The following FILIP1L variants were observed in gnomAD, a reference collection of about 807,000 sequenced individuals.
The protein encoded by FILIP1L is filamin A interacting protein 1 like, also known as filamin A-interacting protein 1-like.
FILIP1L carries 55 observed loss-of-function variants against 96.6 expected under a neutral mutation model. That is an observed-to-expected ratio of 0.57 (90% CI 0.46 to 0.71). The LOEUF (loss-of-function observed/expected upper bound fraction) is 0.71. Ranked by LOEUF, FILIP1L falls within the 30% of genes least tolerant of loss-of-function variation. FILIP1L has a pLI of 0.00. For synonymous variants in FILIP1L, 467 were observed against 473.9 expected, an observed-to-expected ratio of 0.99 and a Z score of 0.19; for missense variants, 1,304 against 1,321.2, an observed-to-expected ratio of 0.99 and a Z score of 0.20.
intron 1 of FILIP1L, among the ~76,000 whole-genome samples, chr3:99,949,106 T>C (rs950658531): frequency 6.6e-6 from 1 of 152,184 alleles, no homozygotes; most frequent in Non-Finnish European, 1.5e-5. Context: ...TTGGGAGGAA[T>C]ATTTCATAAA....
At chr3:100,109,088 A>AACTGTCTCTT (rs1491220968) in intron 1 of FILIP1L, among the ~76,000 whole-genome samples, 17 of 49,084 alleles carry the variant, frequency 3.5e-4, no homozygotes, top group Admixed American at 3.2e-3. Context: ...ACTGTCTCTT[A>AACTGTCTCTT]AAAAAAAAAA....
chr3:100,068,380 GTGTC>G (rs376185045), intron 1 of FILIP1L, among the ~76,000 whole-genome samples: 3 of 140,306 alleles, frequency 2.1e-5, no homozygotes, highest in African/African-American at 7.9e-5. Context: ...GTGTGTGTGT[GTGTC>G]AGAGAGATAT....
At chr3:100,022,570 T>C (rs1347471498) in intron 1 of FILIP1L, among the ~76,000 whole-genome samples, 1 of 152,202 alleles carries the variant, frequency 6.6e-6, no homozygotes, top group African/African-American at 2.4e-5. Context: ...TGGTTTATTA[T>C]TCTTTTGGCT....
In FILIP1L at chr3:100,059,075, T is replaced by A. The variant is rs949880310; in HGVS notation, c.-11+54978A>T. Among the ~76,000 whole-genome samples, 10 of 152,370 alleles carry A rather than the reference T, an allele frequency of 6.6e-5. No homozygotes were observed. The East Asian group carries it at 1.3e-3, about 21-fold the overall frequency. On this transcript the variant is annotated intron_variant, in intron 1 of 5. Transcript: ENST00000477258. ...CCTTTAGGGTAATTTCTCTTTTACCTAGTCAGCACTACAAAGTAAAGCTTA... is the reference window on the plus strand; with the variant it reads ...CCTTTAGGGTAATTTCTCTTTTACCAAGTCAGCACTACAAAGTAAAGCTTA...
At chr3:100,039,943 T>C (rs149156596) in intron 1 of FILIP1L, 3,211 of 152,072 alleles carry the variant, frequency 0.021, 47 homozygotes, top group Non-Finnish European at 0.035. Flanking sequence ...TTAGTAGAGA[T>C]GGGGTTTCAC....
At position 99,929,819 on chromosome 3, in the gene FILIP1L, C is replaced by T. The variant is rs1160675605; in HGVS notation, c.426+37G>A. On this transcript the variant is annotated intron_variant, in intron 3 of 5. Coordinates refer to ENST00000477258, the MANE Select transcript of FILIP1L (RefSeq NM_001387850.1). ...GCTCATCTGCAGGGCTAGTGCTTGG[C>T]TGCCTCCCAGGTACACACCCCTATT... 6 of 1,518,024 alleles carry T rather than the reference C, an allele frequency of 4.0e-6. No individual in the cohort carries two copies. The East Asian group carries it at 1.4e-4, about 36-fold the overall frequency. 94.0% of individuals were successfully genotyped at this position (1,518,024 alleles called of 1,614,324 possible).
At chr3:99,946,115 A>G (rs762360722) in intron 1 of FILIP1L, among the ~76,000 whole-genome samples, 1 of 152,244 alleles carries the variant, frequency 6.6e-6, no homozygotes, top group Non-Finnish European at 1.5e-5. Context: ...TCAACCTGTA[A>G]GCCCAGAACT....
At chr3:100,062,082 C>A (rs980581918) in intron 1 of FILIP1L, among the ~76,000 whole-genome samples, 5 of 122,686 alleles carry the variant, frequency 4.1e-5, no homozygotes, top group Non-Finnish European at 8.3e-5. Flanking sequence ...TTGTGGTTAT[C>A]CTGTCTTCTT....
chr3:99,833,300 A>T, intron 5 of FILIP1L: 2 of 1,548,536 alleles, frequency 1.3e-6, no homozygotes, highest in Non-Finnish European at 1.8e-6. Flanking sequence ...AATTTGTGGA[A>T]TATATTAAAT....
chr3:99,863,753 C>T (rs1208827467), intron 4 of FILIP1L, among the ~76,000 whole-genome samples: 1 of 152,212 alleles, frequency 6.6e-6, no homozygotes, highest in African/African-American at 2.4e-5. Context: ...CTTCCTCTTA[C>T]CACATCGTTC....
At chr3:99,857,655 G>T (rs1253779471) in intron 4 of FILIP1L, among the ~76,000 whole-genome samples, 1 of 152,108 alleles carries the variant, frequency 6.6e-6, no homozygotes, top group African/African-American at 2.4e-5. Flanking sequence ...CAGATGCTTG[G>T]TCCATAGAAA....
At chr3:99,893,144 A>G (rs1405780169) in intron 4 of FILIP1L, among the ~76,000 whole-genome samples, 2 of 151,060 alleles carry the variant, frequency 1.3e-5, no homozygotes, top group Admixed American at 6.6e-5. Context: ...ATTTCCAGTA[A>G]CAAAATTGGC....
At position 99,937,828 on chromosome 3, in the gene FILIP1L, A is replaced by T. The variant is rs970406295; in HGVS notation, c.-10-6798T>A. Among the ~76,000 whole-genome samples the T allele has an allele frequency of 2.6e-5, 4 of 152,356 alleles. No homozygotes were observed. The East Asian group carries it at 7.7e-4, about 29-fold the overall frequency. ...TGAGAATCTACTGAAGTAGCTGTGTATAGACCTCTTACCACATGCCAGGCA... is the reference window on the plus strand; with the variant it reads ...TGAGAATCTACTGAAGTAGCTGTGTTTAGACCTCTTACCACATGCCAGGCA... On this transcript the variant is annotated intron_variant, in intron 1 of 5. Coordinates refer to ENST00000477258, the MANE Select transcript of FILIP1L (RefSeq NM_001387850.1).
chr3:99,978,734 A>C (rs1380514521), intron 1 of FILIP1L, among the ~76,000 whole-genome samples: 1 of 152,168 alleles, frequency 6.6e-6, no homozygotes, highest in Non-Finnish European at 1.5e-5. Context: ...GCCTCTTCTA[A>C]AAATAGAAAA....
intron 1 of FILIP1L, among the ~76,000 whole-genome samples, chr3:99,955,210 A>G (rs1329551414): frequency 6.6e-6 from 1 of 152,212 alleles, no homozygotes; most frequent in Non-Finnish European, 1.5e-5. Context: ...TCAGAACTCA[A>G]GTCTTCTCTG....
At position 99,849,194 on chromosome 3, in the gene FILIP1L, A is replaced by G. The variant is rs1196592637; in HGVS notation, c.2482T>C (p.Tyr828His). 1.9e-6 allele frequency: 3 copies of G among 1,613,970 alleles called. No homozygotes were observed. Among genetic ancestry groups the G allele is most frequent in the Admixed American group, 1.7e-5 (1 of 59,996 alleles). Residue 828 changes from tyrosine (Y) to histidine (H), a missense_variant, in exon 5 of 6, where the codon TAT (tyrosine) becomes CAT (histidine). Coordinates refer to ENST00000477258, the MANE Select transcript of FILIP1L (RefSeq NM_001387850.1). ...LERAVINGQL[Y>H]EESENQDEDP... ...TCGTCTTGATTCTCACTCTCCTCAT[A>G]TAACTGACCATTGATGACTGCACGT...
In FILIP1L at chr3:99,925,798, G is replaced by A. The variant is rs560455473; in HGVS notation, c.427-1390C>T. 62 of 960,396 alleles carry A rather than the reference G, an allele frequency of 6.5e-5. No homozygotes were observed. In the African/African-American group the frequency reaches 1.1e-3, roughly 17 times the overall value. The allele number at this position is 960,396 out of a possible 1,614,324, so 59.5% of individuals were successfully genotyped here. A position where few individuals can be genotyped will look rare whatever the true frequency, so the allele number is the denominator to read the frequency against. ...CATAAAGGAAGAACCAGGCAGTAAA[G>A]AACATGCCAGTGGCCAAAAGCATCA... On this transcript the variant is annotated intron_variant, in intron 3 of 5. Coordinates refer to ENST00000477258, the MANE Select transcript of FILIP1L (RefSeq NM_001387850.1).
chr3:100,062,488 T>G (rs2065590760), intron 1 of FILIP1L, among the ~76,000 whole-genome samples: 1 of 152,158 alleles, frequency 6.6e-6, no homozygotes, highest in South Asian at 2.1e-4. Flanking sequence ...TCCTCTGTGT[T>G]ATGCATGCCT....
rs192317604 is a variant in FILIP1L, at chr3:99,940,189, A to G, written c.-10-9159T>C. Among the ~76,000 whole-genome samples, 172 of 152,394 alleles carry G rather than the reference A, an allele frequency of 1.1e-3. 5 individuals carry two copies. In the East Asian group the frequency reaches 0.027, roughly 24 times the overall value. On this transcript the variant is annotated intron_variant, in intron 1 of 5. Transcript: ENST00000477258. ...TTCTTTTCTCATTTAAGGTTGAAAC[A>G]GGGCTGAGAATGTTTTCCAGATCTT...
Sources: gnomAD v4.1 joint callset for allele counts (sites outside exome capture counted in the v4.1 genomes callset) on GRCh38, gnomAD v4.1.1 for gene constraint, MANE v1.5 for transcripts, NCBI Gene and HGNC (gene_info 2026-07-23, HGNC 2026-07-21) for gene names.